Variants in CEP135 observed in about 807,000 individuals in gnomAD.
CEP135 encodes the protein centrosomal protein 135, also known as centrosomal protein of 135 kDa.
In CEP135, 142 loss-of-function variants were observed where a neutral mutation model predicts 157.3. The observed-to-expected ratio is 0.90, with a 90% CI of 0.79 to 1.04. CEP135 has a LOEUF of 1.04. Among genes scored for constraint, CEP135 ranks in the 50% least tolerant of loss-of-function variants. The pLI, the probability that CEP135 is intolerant of heterozygous loss-of-function variation, is 0.00. For missense variants in CEP135, 1,317 were observed against 1,309.2 expected, an observed-to-expected ratio of 1.01 and a Z score of -0.09; for synonymous variants, 396 against 439.8, an observed-to-expected ratio of 0.90 and a Z score of 1.25.
Position 55,954,222 on chromosome 4 carries a change from A to C in CEP135, c.311A>C (p.Lys104Thr). The change falls in exon 4 of 26, where the codon AAA (lysine) becomes ACA (threonine). Residue 104 changes from lysine to threonine, a missense_variant. Lys to Thr is a moderately conservative substitution (Grantham distance 78, BLOSUM62 -1). Coordinates refer to ENST00000257287, the MANE Select transcript of CEP135 (RefSeq NM_025009.5). ...GAATCTTTTTCATTTTAAGAGTTGA[A>C]AACTTCATTGAAGAAATGTGCACGT... ...EHSDQHVKEL[K>T]TSLKKCARET... The C allele has an allele frequency of 3.8e-6, 6 of 1,573,828 alleles. No individual in the cohort carries two copies. Among genetic ancestry groups the C allele is most frequent in the Non-Finnish European group, 5.2e-6 (6 of 1,164,474 alleles).
intron 24 of CEP135, among the ~76,000 whole-genome samples, chr4:56,022,064 G>A (rs1730991319): frequency 1.3e-5 from 2 of 152,264 alleles, no homozygotes; most frequent in Non-Finnish European, 1.5e-5. Flanking sequence ...TAAGCCGTAG[G>A]TAGCAGCAGT....
At chr4:55,969,712 G>A (rs965003244) in intron 9 of CEP135, among the ~76,000 whole-genome samples, 6 of 152,054 alleles carry the variant, frequency 3.9e-5, no homozygotes, top group African/African-American at 1.4e-4. Context: ...TTAATTTTAT[G>A]TATAGTAGGT....
chr4:55,966,739 T>C lies in CEP135; in HGVS notation c.1044+880T>C, dbSNP rs181617264. On this transcript the variant is annotated intron_variant, in intron 8 of 25. Transcript: ENST00000257287. ...GGTTAAGCAATCCTCCTGCCTCAGC[T>C]TCCCTAAGTGCTCAGATTACAGGCA... Among the ~76,000 whole-genome samples, 353 of 152,258 alleles carry C rather than the reference T, an allele frequency of 2.3e-3. 1 individual carries two copies. Among genetic ancestry groups the C allele is most frequent in the African/African-American group, 8.2e-3 (340 of 41,542 alleles).
chr4:55,978,174 T>TCATGTTTTACTGGGTAAACA (rs1729286020), intron 11 of CEP135, among the ~76,000 whole-genome samples: 1 of 152,202 alleles, frequency 6.6e-6, no homozygotes, highest in African/African-American at 2.4e-5. Context: ...TTCAGGGAAC[T>TCATGTTTTACTGGGTAAACA]CATGTTTTAC....
intron 13 of CEP135, among the ~76,000 whole-genome samples, chr4:55,982,023 T>C (rs140731959): frequency 7.6e-4 from 115 of 152,252 alleles, no homozygotes; most frequent in African/African-American, 2.7e-3. Flanking sequence ...ATCTGTATAT[T>C]CATAGGCTTG....
chr4:56,017,939 C>A, intron 22 of CEP135, 82 bp downstream of exon 22: 3 of 1,150,808 alleles, frequency 2.6e-6, no homozygotes, highest in Non-Finnish European at 2.4e-6. Context: ...CCACACCATG[C>A]ATATACTTGT....
At chr4:56,000,557 T>C (rs1164026377) in intron 17 of CEP135, among the ~76,000 whole-genome samples, 1 of 152,194 alleles carries the variant, frequency 6.6e-6, no homozygotes, top group Non-Finnish European at 1.5e-5. Flanking sequence ...GATCCACTTT[T>C]TAGCACCCAC....
intron 6 of CEP135, among the ~76,000 whole-genome samples, chr4:55,961,990 T>C (rs528292712): frequency 6.6e-6 from 1 of 152,284 alleles, no homozygotes; most frequent in South Asian, 2.1e-4. Flanking sequence ...ATTCTTTTTT[T>C]CTTTAACAAG....
intron 9 of CEP135, among the ~76,000 whole-genome samples, chr4:55,969,837 A>AT (rs1393264455): frequency 1.3e-5 from 2 of 152,262 alleles, no homozygotes; most frequent in South Asian, 4.1e-4. Context: ...ATATTTGTTG[A>AT]TTATTACAAA....
chr4:55,987,092 T>C (rs1213264273), intron 14 of CEP135, among the ~76,000 whole-genome samples: 3 of 152,212 alleles, frequency 2.0e-5, no homozygotes, highest in Admixed American at 1.3e-4. Context: ...TTAAGCTTTG[T>C]TAGGTGGGAT....
At chr4:55,991,805 T>A in intron 14 of CEP135, 129 bp from the exon 15 acceptor site, 2 of 596,830 alleles carry the variant, frequency 3.4e-6, no homozygotes, top group Non-Finnish European at 5.5e-6. Flanking sequence ...TACACATGAC[T>A]TATAAAGTTT....
intron 25 of CEP135, among the ~76,000 whole-genome samples, chr4:56,025,180 T>C (rs1240913238): frequency 6.6e-6 from 1 of 152,130 alleles, no homozygotes; most frequent in Admixed American, 6.6e-5. Context: ...GAGTTCTCAC[T>C]ATCTTGCCTG....
At chr4:56,003,504 G>A (rs1025196990) in intron 17 of CEP135, among the ~76,000 whole-genome samples, 1 of 152,068 alleles carries the variant, frequency 6.6e-6, no homozygotes, top group African/African-American at 2.4e-5. Flanking sequence ...CACTGTGCCT[G>A]GCTGATCTTT....
chr4:56,011,311 CTCTA>C, intron 19 of CEP135, 97 bp from the exon 20 acceptor site: 1 of 789,354 alleles, frequency 1.3e-6, no homozygotes, highest in Non-Finnish European at 2.0e-6. Context: ...TTTTGCCCTA[CTCTA>C]TCTTATTCTC....
At chr4:55,990,938 G>A (rs1167852707) in intron 14 of CEP135, among the ~76,000 whole-genome samples, 1 of 151,500 alleles carries the variant, frequency 6.6e-6, no homozygotes, top group Non-Finnish European at 1.5e-5. Context: ...AAATTTGCTT[G>A]CGCATTTGTA....
chr4:56,028,531 C>A (rs1731227006), intron 25 of CEP135, among the ~76,000 whole-genome samples: 1 of 151,920 alleles, frequency 6.6e-6, no homozygotes, highest in South Asian at 2.1e-4. Flanking sequence ...TAATCCATTT[C>A]CCCTCGTATT....
intron 8 of CEP135, among the ~76,000 whole-genome samples, chr4:55,967,645 G>T (rs1375355116): frequency 6.6e-6 from 1 of 152,194 alleles, no homozygotes; most frequent in East Asian, 1.9e-4. Flanking sequence ...ATAGTTTTAT[G>T]TAATACTTGG....
At chr4:56,018,651 G>T (rs1730866078) in intron 22 of CEP135, among the ~76,000 whole-genome samples, 1 of 151,964 alleles carries the variant, frequency 6.6e-6, no homozygotes, top group African/African-American at 2.4e-5. Context: ...CCAGCTACTC[G>T]GGAGGCTGAG....
intron 15 of CEP135, among the ~76,000 whole-genome samples, chr4:55,994,642 A>G (rs1015784284): frequency 6.7e-6 from 1 of 149,210 alleles, no homozygotes; most frequent in Non-Finnish European, 1.5e-5. Context: ...TTTTTCCACC[A>G]CATTTTATTA....
Sources: allele counts gnomAD v4.1 joint callset (sites outside exome capture counted in the v4.1 genomes callset), GRCh38; gene constraint gnomAD v4.1.1; transcripts MANE v1.5; gene names NCBI Gene and HGNC (gene_info 2026-07-23, HGNC 2026-07-21).